The following ZNF619 variants were observed in gnomAD, a reference collection of about 807,000 sequenced individuals.
The protein encoded by ZNF619 is zinc finger protein 619.
Under a neutral mutation model 14.2 loss-of-function variants are expected in ZNF619, and 9 were observed. The ratio of observed to expected loss-of-function variants is 0.64; its 90% confidence interval spans 0.38 to 1.11. The LOEUF (loss-of-function observed/expected upper bound fraction) is 1.11. Ranked by LOEUF, ZNF619 falls within the 50% of genes least tolerant of loss-of-function variation. The probability of loss-of-function intolerance (pLI) is 0.01; values close to 1 mark genes in which losing one functional copy is unlikely to be tolerated. For missense variants in ZNF619, 659 were observed against 680.1 expected, an observed-to-expected ratio of 0.97 and a Z score of 0.34; for synonymous variants, 246 against 252.8, an observed-to-expected ratio of 0.97 and a Z score of 0.26.
In ZNF619 at chr3:40,487,871, A is replaced by G; in HGVS notation, c.1361A>G (p.Lys454Arg). The change falls in exon 5 of 5, where the codon AAA (lysine) becomes AGA (arginine). Residue 454 changes from lysine (K) to arginine (R), a missense_variant. By Grantham distance (26) the Lys-to-Arg change is conservative. Coordinates refer to ENST00000432264, the MANE Select transcript of ZNF619 (RefSeq NM_001145093.4). Reference sequence around the variant, plus strand: ...CATCAGCGAGTTCACACTGGGGAGAAACCTTATGAGTGTAAGGAGTGCGGG... The same window carrying G: ...CATCAGCGAGTTCACACTGGGGAGAGACCTTATGAGTGTAAGGAGTGCGGG... ...VQHQRVHTGE[K>R]PYECKECGKA... The G allele has an allele frequency of 6.2e-7, 1 of 1,614,240 alleles. No individual in the cohort carries two copies.
At position 40,488,671 on chromosome 3, in the gene ZNF619, G is replaced by C. The variant is rs543806694; in HGVS notation, c.*430G>C. 1.9e-5 allele frequency: 3 copies of C among 158,352 alleles called. No homozygotes were observed. Among genetic ancestry groups the C allele is most frequent in the Non-Finnish European group, 2.8e-5 (2 of 72,406 alleles). The allele number at this position is 158,352 out of a possible 1,614,324, so 9.8% of individuals were successfully genotyped here. A position where few individuals can be genotyped will look rare whatever the true frequency, so the allele number is the denominator to read the frequency against. Reference sequence around the variant, plus strand: ...AAGAGCTTTTTTTTTTTTAGGGGGTGGGGGGTGGTGCCGGAGTTTCACTCT... The same window carrying C: ...AAGAGCTTTTTTTTTTTTAGGGGGTCGGGGGTGGTGCCGGAGTTTCACTCT... On this transcript the variant is annotated 3_prime_UTR_variant, in exon 5 of 5. Coordinates refer to ENST00000432264, the MANE Select transcript of ZNF619 (RefSeq NM_001145093.4).
intron 2 of ZNF619, among the ~76,000 whole-genome samples, chr3:40,481,409 G>A (rs1211202494): frequency 6.6e-6 from 1 of 152,146 alleles, no homozygotes; most frequent in Non-Finnish European, 1.5e-5. Flanking sequence ...TGATAGAAAG[G>A]GGAGAAATAT....
At chr3:40,482,408 C>T in intron 3 of ZNF619, 180 bp from the exon 4 acceptor site, 1 of 1,598,020 alleles carries the variant, frequency 6.3e-7, no homozygotes, top group Non-Finnish European at 8.5e-7. Flanking sequence ...GCATTCTGTC[C>T]TCTTAGAGGC....
At chr3:40,483,693 A>T in intron 4 of ZNF619, 1 of 447,944 alleles carries the variant, frequency 2.2e-6, no homozygotes, top group South Asian at 1.6e-5. Flanking sequence ...CAATGGCGTG[A>T]TCTTCACTCA....
At chr3:40,482,325 C>A in intron 3 of ZNF619, 1 of 1,553,342 alleles carries the variant, frequency 6.4e-7, no homozygotes. Context: ...TTCCCTGGAG[C>A]TGATCTTGGC....
rs374714125 is a variant in ZNF619 at position 40,488,268 on chromosome 3, G to A, written c.*27G>A. ...CCCCGTCACGTTCTCAAAATCCTTT[G>A]CACCTCAAGTTAGGGATTCCACTGG... On this transcript the variant is annotated 3_prime_UTR_variant, in exon 5 of 5. Coordinates refer to ENST00000432264, the MANE Select transcript of ZNF619 (RefSeq NM_001145093.4). The A allele has an allele frequency of 1.3e-5, 15 of 1,177,400 alleles. No homozygotes were observed. The highest frequency in any genetic ancestry group is 1.5e-5 in the Non-Finnish European group (12 of 811,236). 72.9% of individuals were successfully genotyped at this position (1,177,400 alleles called of 1,614,324 possible).
rs888992444 is a variant in ZNF619, at chr3:40,477,838, G to A, written c.-62-80G>A. 4.2e-6 allele frequency: 3 copies of A among 717,482 alleles called. No individual in the cohort carries two copies. In the African/African-American group the frequency reaches 5.3e-5, roughly 13 times the overall value. 44.4% of individuals were successfully genotyped at this position (717,482 alleles called of 1,614,324 possible). On this transcript the variant is annotated intron_variant, in intron 1 of 4. Transcript: ENST00000432264. ...CTAGTGTGCCAAGAATATCTGCAAT[G>A]CTAGTGGCAGGAGACAGAGGGGAAG...
Position 40,482,584 on chromosome 3 carries a change from G to T in ZNF619, c.179-4G>T, listed in dbSNP as rs775973992. On this transcript the variant is annotated splice_region_variant and splice_polypyrimidine_tract_variant and intron_variant, in intron 3 of 4. Transcript: ENST00000432264. The stretch of plus-strand genomic sequence containing the variant: ...GCTTCATGTTCCTTTTCTTTCTCCT[G>T]TAGCAGCATTTCCATTCCCCAAACC... The T allele has an allele frequency of 2.5e-6, 4 of 1,613,874 alleles. No homozygotes were observed. The East Asian group carries it at 8.9e-5, about 36-fold the overall frequency.
In ZNF619 at chr3:40,488,426, T is replaced by C. The variant is rs1697712570; in HGVS notation, c.*185T>C. The C allele has an allele frequency of 3.5e-6, 2 of 570,464 alleles. No individual in the cohort carries two copies. Among genetic ancestry groups the C allele is most frequent in the Admixed American group, 3.4e-5 (1 of 29,120 alleles). The allele number at this position is 570,464 out of a possible 1,614,324, so 35.3% of individuals were successfully genotyped here. On this transcript the variant is annotated 3_prime_UTR_variant, in exon 5 of 5. Transcript: ENST00000432264. Reference sequence around the variant, plus strand: ...GTTTCTTTTATCCCCCGGTAGGAAATGGCAGTACTTATTCTTTATCGTGTC... The same window carrying C: ...GTTTCTTTTATCCCCCGGTAGGAAACGGCAGTACTTATTCTTTATCGTGTC...
At chr3:40,479,256 C>A (rs1697304763) in intron 2 of ZNF619, among the ~76,000 whole-genome samples, 1 of 152,156 alleles carries the variant, frequency 6.6e-6, no homozygotes, top group South Asian at 2.1e-4. Context: ...AAGTCCCCAA[C>A]AATATTTATA....
intron 4 of ZNF619, among the ~76,000 whole-genome samples, chr3:40,485,441 A>G (rs996517993): frequency 1.3e-5 from 2 of 151,990 alleles, no homozygotes; most frequent in Middle Eastern, 3.4e-3. Context: ...AGCTGGGATT[A>G]CAGGTGCCCG....
chr3:40,482,410 C>G, intron 3 of ZNF619, 178 bp from the exon 4 acceptor site: 1 of 1,599,200 alleles, frequency 6.3e-7, no homozygotes, highest in Non-Finnish European at 8.5e-7. Context: ...ATTCTGTCCT[C>G]TTAGAGGCCA....
At chr3:40,483,948 C>A (rs557592014) in intron 4 of ZNF619, among the ~76,000 whole-genome samples, 1 of 144,416 alleles carries the variant, frequency 6.9e-6, no homozygotes. Context: ...TTTTTTGAGT[C>A]AGAGTCTTGC....
chr3:40,480,539 C>T (rs937007091), intron 2 of ZNF619, among the ~76,000 whole-genome samples: 2 of 146,776 alleles, frequency 1.4e-5, no homozygotes, highest in African/African-American at 5.2e-5. Context: ...TGCTCTGTCG[C>T]CCAGGCTGGG....
At chr3:40,482,525 G>A (rs1697439395) in intron 3 of ZNF619, 63 bp from the exon 4 acceptor site, 1 of 1,568,916 alleles carries the variant, frequency 6.4e-7, no homozygotes, top group Non-Finnish European at 8.8e-7. Flanking sequence ...AAAGCAGAGT[G>A]TAGTCTGAGG....
At position 40,487,123 on chromosome 3, in the gene ZNF619, A is replaced by T; in HGVS notation, c.613A>T (p.Lys205Ter). ...TTTTGCCAAAGAACAGGTGTTTTATAAATGTGGTGAGTGTGGCAGTTACTA... is the reference window on the plus strand; with the variant it reads ...TTTTGCCAAAGAACAGGTGTTTTATTAATGTGGTGAGTGTGGCAGTTACTA... ...QGFAKEQVFYKCGECGSYYNP... is the reference protein window; with the variant it reads ...QGFAKEQVFY Residue 205 changes from lysine to a stop codon, truncating the protein, a stop_gained, in exon 5 of 5, where the codon AAA (lysine) becomes TAA (stop). Transcript: ENST00000432264. LOFTEE classifies it low-confidence loss of function (END_TRUNC). 6.2e-7 allele frequency: 1 copy of T among 1,614,156 alleles called. No individual in the cohort carries two copies. The highest frequency in any genetic ancestry group is 1.3e-5 in the African/African-American group (1 of 75,078).
At position 40,487,095 on chromosome 3, in the gene ZNF619, G is replaced by A. The variant is rs778080500; in HGVS notation, c.585G>A (p.Gln195=). 1.1e-5 allele frequency: 18 copies of A among 1,614,004 alleles called. No individual in the cohort carries two copies. The highest frequency in any genetic ancestry group is 1.4e-5 in the Non-Finnish European group (17 of 1,180,052). ...TCAGCACACATCTCATTACAAAGCA[G>A]GGTTTTGCCAAAGAACAGGTGTTTT... is the stretch of plus-strand genomic sequence containing the variant. The part of the protein sequence containing the change: ...SSVSTHLITK[Q]GFAKEQVFYK... The change falls in exon 5 of 5, where the codon CAG becomes CAA. Residue 195 remains glutamine, a synonymous_variant. Coordinates refer to ENST00000432264, the MANE Select transcript of ZNF619 (RefSeq NM_001145093.4).
chr3:40,481,934 T>C lies in ZNF619; in HGVS notation c.96T>C (p.Asn32=), dbSNP rs748956817. 1.4e-5 allele frequency: 23 copies of C among 1,613,782 alleles called. No individual in the cohort carries two copies. The highest frequency in any genetic ancestry group is 4.0e-5 in the African/African-American group (3 of 74,888). The change falls in exon 3 of 5, where the codon AAT becomes AAC. Residue 32 remains asparagine (N), a synonymous_variant. Coordinates refer to ENST00000432264, the MANE Select transcript of ZNF619 (RefSeq NM_001145093.4). The part of the protein sequence containing the change: ...FEDVAVYFTQ[N]EWASLHPTQR... ...ATGTGGCTGTGTACTTCACCCAGAA[T>C]GAATGGGCCAGCCTGCACCCTACGC...
intron 2 of ZNF619, 90 bp from the exon 3 acceptor site, chr3:40,481,773 G>T (rs1485036774): frequency 1.7e-5 from 26 of 1,512,412 alleles, no homozygotes; most frequent in Non-Finnish European, 2.3e-5. Context: ...CTCCTTGCCA[G>T]TACAAACCTT....
Sources: gnomAD v4.1 joint callset for allele counts (sites outside exome capture counted in the v4.1 genomes callset) on GRCh38, gnomAD v4.1.1 for gene constraint, MANE v1.5 for transcripts, NCBI Gene and HGNC (gene_info 2026-07-23, HGNC 2026-07-21) for gene names.